RASEF: variants seen among roughly 807,000 people sequenced by gnomAD.
RASEF encodes the protein ras and EF-hand domain-containing protein.
Under a neutral mutation model 90.1 loss-of-function variants are expected in RASEF, and 68 were observed. That is an observed-to-expected ratio of 0.75 (90% CI 0.62 to 0.92). The LOEUF (loss-of-function observed/expected upper bound fraction) is 0.92. RASEF is among the 40% of genes least tolerant of loss of function. The pLI is 0.00. For missense variants in RASEF, 949 were observed against 937.2 expected (o/e 1.01, Z -0.16); for synonymous variants, 331 against 345.2 (o/e 0.96, Z 0.46).
rs1057092666 is a variant in RASEF at position 83,004,604 on chromosome 9, T to C, written c.1114-18A>G. On this transcript the variant is annotated intron_variant, in intron 8 of 16. Transcript: ENST00000376447. ...TTTATATGCTGTAATATAGAAGTAA[T>C]CATTTGTTAGTTCATGTAATTTTCA... 2 of 1,418,336 alleles carry C rather than the reference T, an allele frequency of 1.4e-6. No homozygotes were observed. The highest frequency in any genetic ancestry group is 1.7e-5 in the Admixed American group (1 of 59,696). The allele number at this position is 1,418,336 out of a possible 1,614,324, so 87.9% of individuals were successfully genotyped here.
chr9:83,077,614 A>T, the RASEF span, among the ~76,000 whole-genome samples: 1 of 152,234 alleles, frequency 6.6e-6, no homozygotes, highest in East Asian at 1.9e-4. Flanking sequence ...AAAGAGGGAA[A>T]GATCTAAAGA....
chr9:83,163,562 A>G, the RASEF span, among the ~76,000 whole-genome samples: 1 of 152,220 alleles, frequency 6.6e-6, no homozygotes, highest in Non-Finnish European at 1.5e-5. Flanking sequence ...CTAGAGATCA[A>G]AAACACTGAA....
At chr9:83,150,440 ATCAC>A in the RASEF span, among the ~76,000 whole-genome samples, 1 of 152,186 alleles carries the variant, frequency 6.6e-6, no homozygotes, top group Non-Finnish European at 1.5e-5. Context: ...GGACACTTCT[ATCAC>A]TCAGGGAATT....
At chr9:83,203,332 G>T in the RASEF span, among the ~76,000 whole-genome samples, 1 of 151,458 alleles carries the variant, frequency 6.6e-6, no homozygotes, top group East Asian at 1.9e-4. Flanking sequence ...CTGCAGTGCA[G>T]TGGCGCCATC....
intron 14 of RASEF, among the ~76,000 whole-genome samples, chr9:82,994,510 C>A (rs1219793080): frequency 6.6e-6 from 1 of 152,160 alleles, no homozygotes; most frequent in Non-Finnish European, 1.5e-5. Context: ...TCTACCATAT[C>A]ATTTCATTTA....
At chr9:83,182,306 A>T in the RASEF span, among the ~76,000 whole-genome samples, 1 of 152,192 alleles carries the variant, frequency 6.6e-6, no homozygotes, top group Non-Finnish European at 1.5e-5. Flanking sequence ...TTCCACCCTG[A>T]CACTGTCACA....
At chr9:83,036,728 G>GA (rs1356397108) in intron 1 of RASEF, among the ~76,000 whole-genome samples, 3 of 152,220 alleles carry the variant, frequency 2.0e-5, no homozygotes, top group African/African-American at 7.2e-5. Flanking sequence ...GGACTTTAGG[G>GA]AAAAACTGAG....
At chr9:82,999,484 G>A (rs970021468) in intron 12 of RASEF, among the ~76,000 whole-genome samples, 2 of 152,088 alleles carry the variant, frequency 1.3e-5, no homozygotes, top group Non-Finnish European at 1.5e-5. Flanking sequence ...ATGGTGTATC[G>A]TTTGTACCTA....
chr9:83,139,627 G>A, the RASEF span, among the ~76,000 whole-genome samples: 3 of 152,246 alleles, frequency 2.0e-5, no homozygotes, highest in South Asian at 6.2e-4. Flanking sequence ...AGGAGGAACA[G>A]GAGGGGTTAG....
the RASEF span, among the ~76,000 whole-genome samples, chr9:83,084,923 T>C: frequency 6.6e-6 from 1 of 152,210 alleles, no homozygotes; most frequent in Non-Finnish European, 1.5e-5. Context: ...TTGAACTTAT[T>C]ATATATTTAA....
chr9:83,214,802 T>C, the RASEF span, among the ~76,000 whole-genome samples: 2 of 151,934 alleles, frequency 1.3e-5, no homozygotes, highest in African/African-American at 2.4e-5. Flanking sequence ...TCCCCAGCCA[T>C]GTAGAACTGA....
intron 9 of RASEF, 87 bp from the exon 10 acceptor site, chr9:83,001,217 A>C: frequency 6.6e-6 from 6 of 908,782 alleles, no homozygotes; most frequent in Non-Finnish European, 1.0e-5. Context: ...ATTAGATGGA[A>C]TCAAGTAGGC....
At chr9:83,167,967 A>C in the RASEF span, among the ~76,000 whole-genome samples, 1 of 152,176 alleles carries the variant, frequency 6.6e-6, no homozygotes, top group Non-Finnish European at 1.5e-5. Flanking sequence ...GCCTCAATGG[A>C]CATTCATGTA....
chr9:83,215,326 A>G, the RASEF span, among the ~76,000 whole-genome samples: 1 of 152,048 alleles, frequency 6.6e-6, no homozygotes, highest in Non-Finnish European at 1.5e-5. Flanking sequence ...CTGGCCCTCT[A>G]CCCTTGCAAA....
At chr9:83,063,184 G>C (rs1005699613), upstream of RASEF, 2 of 349,652 alleles carry the variant, frequency 5.7e-6, no homozygotes, top group African/African-American at 4.3e-5. Context: ...CTTTCCCGGC[G>C]GGTGCAGCTC....
intron 1 of RASEF, among the ~76,000 whole-genome samples, chr9:83,060,906 AT>A (rs1165730141): frequency 6.6e-6 from 1 of 152,206 alleles, no homozygotes; most frequent in East Asian, 1.9e-4. Context: ...AATTCCACCA[AT>A]AATATTAATT....
At chr9:83,160,927 G>C in the RASEF span, among the ~76,000 whole-genome samples, 5 of 152,192 alleles carry the variant, frequency 3.3e-5, no homozygotes, top group African/African-American at 1.2e-4. Flanking sequence ...CCTCCATGGG[G>C]TGTTGAGCCT....
chr9:83,178,571 A>G, the RASEF span, among the ~76,000 whole-genome samples: 2 of 152,086 alleles, frequency 1.3e-5, no homozygotes, highest in African/African-American at 4.8e-5. Context: ...CATATCTCCA[A>G]AGCTCCCCTT....
At chr9:83,065,018 A>T (rs148332449), upstream of RASEF, among the ~76,000 whole-genome samples, 796 of 152,330 alleles carry the variant, frequency 5.2e-3, 9 homozygotes, top group African/African-American at 0.018. Context: ...CAGTGAGCCG[A>T]GATCGCGCCA....
Sources: allele counts gnomAD v4.1 joint callset (sites outside exome capture counted in the v4.1 genomes callset), GRCh38; gene constraint gnomAD v4.1.1; transcripts MANE v1.5; gene names NCBI Gene and HGNC (gene_info 2026-07-23, HGNC 2026-07-21).